ZNF138: variants seen among roughly 807,000 people sequenced by gnomAD.
The protein encoded by ZNF138 is zinc finger protein 138 (clone pHZ-32).
Under a neutral mutation model 33.0 loss-of-function variants are expected in ZNF138, and 33 were observed. The observed-to-expected ratio is 1.00, with a 90% CI of 0.76 to 1.34. ZNF138 has a LOEUF of 1.34. Ranked by LOEUF, ZNF138 falls within the 40% of genes most tolerant of loss-of-function variation. The pLI is 0.00. For missense variants in ZNF138, 360 were observed against 370.8 expected (o/e 0.97, Z 0.24); for synonymous variants, 139 against 120.4 (o/e 1.15, Z -1.01).
chr7:64,822,612 A>G (rs1429870087), intron 3 of ZNF138, among the ~76,000 whole-genome samples: 1 of 147,494 alleles, frequency 6.8e-6, no homozygotes, highest in Non-Finnish European at 1.5e-5. Flanking sequence ...AGAAGGGTTC[A>G]TTTCTGGGCT....
At chr7:64,835,087 G>A (rs187280813), downstream of ZNF138, among the ~76,000 whole-genome samples, 22 of 152,214 alleles carry the variant, frequency 1.4e-4, no homozygotes, top group East Asian at 3.9e-3. Flanking sequence ...GGGCGGGGTC[G>A]GTTGAGTTTC....
chr7:64,858,069 G>C, the ZNF138 span, among the ~76,000 whole-genome samples: 1 of 152,022 alleles, frequency 6.6e-6, no homozygotes, highest in African/African-American at 2.4e-5. Flanking sequence ...CCTAGCTTTT[G>C]GTCAAATATT....
At chr7:64,811,425 A>G (rs898961574) in intron 1 of ZNF138, among the ~76,000 whole-genome samples, 1 of 152,194 alleles carries the variant, frequency 6.6e-6, no homozygotes, top group African/African-American at 2.4e-5. Flanking sequence ...GACTTACTGC[A>G]ACCTCTTCCT....
chr7:64,798,740 T>C (rs1189852549), intron 1 of ZNF138, among the ~76,000 whole-genome samples: 2 of 148,216 alleles, frequency 1.3e-5, no homozygotes, highest in African/African-American at 5.0e-5. Flanking sequence ...ATTGAGCCAT[T>C]GCACTCCAGC....
chr7:64,846,702 GA>G, the ZNF138 span, among the ~76,000 whole-genome samples: 3 of 151,926 alleles, frequency 2.0e-5, no homozygotes, highest in East Asian at 5.8e-4. Flanking sequence ...ATATCATCAG[GA>G]AAAAAAATAC....
chr7:64,849,503 C>G, the ZNF138 span, among the ~76,000 whole-genome samples: 1 of 151,840 alleles, frequency 6.6e-6, no homozygotes, highest in Non-Finnish European at 1.5e-5. Context: ...CCTAGGACTC[C>G]CAAGAATATA....
chr7:64,802,221 C>T (rs1460542862), intron 1 of ZNF138, among the ~76,000 whole-genome samples: 1 of 152,102 alleles, frequency 6.6e-6, no homozygotes, highest in Non-Finnish European at 1.5e-5. Flanking sequence ...CTGAAGACCT[C>T]GGATCAATAG....
downstream of ZNF138, among the ~76,000 whole-genome samples, chr7:64,834,298 TAAAAAAAATCA>T (rs1790302055): frequency 6.6e-6 from 1 of 151,620 alleles, no homozygotes. Context: ...GCAGTAAATA[TAAAAAAAATCA>T]AAAATAAGGC....
chr7:64,839,579 C>T, the ZNF138 span, among the ~76,000 whole-genome samples: 1 of 151,912 alleles, frequency 6.6e-6, no homozygotes, highest in African/African-American at 2.4e-5. Context: ...GACTCTCGGC[C>T]AGGGAGGAAT....
At chr7:64,835,038 G>A (rs1248192914), downstream of ZNF138, among the ~76,000 whole-genome samples, 4 of 152,164 alleles carry the variant, frequency 2.6e-5, no homozygotes, top group South Asian at 2.1e-4. Context: ...AAGGTGCAGC[G>A]CGCTTTTATG....
At chr7:64,824,061 C>T (rs1328361936) in intron 3 of ZNF138, among the ~76,000 whole-genome samples, 1 of 152,128 alleles carries the variant, frequency 6.6e-6, no homozygotes, top group East Asian at 1.9e-4. Flanking sequence ...AACTGTTAAG[C>T]CTAGTTGGTC....
At chr7:64,829,177 A>G (rs953927858) in intron 3 of ZNF138, among the ~76,000 whole-genome samples, 2 of 152,118 alleles carry the variant, frequency 1.3e-5, no homozygotes, top group African/African-American at 4.8e-5. Flanking sequence ...TGTATCATTA[A>G]TGTTGTTAGG....
intron 1 of ZNF138, 91 bp downstream of exon 1, chr7:64,794,662 G>T (rs930990129): frequency 6.3e-6 from 10 of 1,578,740 alleles, no homozygotes; most frequent in Admixed American, 1.7e-5. Context: ...GGGTCTTCCC[G>T]CAGTCGGCTG....
In ZNF138 at chr7:64,814,926, G is replaced by A; in HGVS notation, c.12G>A (p.Leu4=). The A allele has an allele frequency of 1.2e-6, 2 of 1,612,890 alleles. No individual in the cohort carries two copies. Among genetic ancestry groups the A allele is most frequent in the South Asian group, 2.2e-5 (2 of 91,054 alleles). Residue 4 remains leucine (L), a synonymous_variant, in exon 2 of 4, where the codon CTG becomes CTA. Coordinates refer to ENST00000307355, the MANE Select transcript of ZNF138 (RefSeq NM_001271639.2). MGP[L]TFMDVAIEFS... ...GTGTGCGTGTTTTTCAGGGACCACT[G>A]ACATTTATGGATGTGGCCATAGAGT... is the stretch of plus-strand genomic sequence containing the variant.
the ZNF138 span, among the ~76,000 whole-genome samples, chr7:64,854,353 G>T: frequency 6.6e-6 from 1 of 152,132 alleles, no homozygotes; most frequent in Non-Finnish European, 1.5e-5. Flanking sequence ...TGATTGTCCT[G>T]CCTCAGCCTG....
At chr7:64,830,971 C>T in intron 3 of ZNF138, 1 of 1,551,422 alleles carries the variant, frequency 6.4e-7, no homozygotes, top group Non-Finnish European at 8.7e-7. Context: ...TCAGTGGACT[C>T]AACATTTTGT....
chr7:64,815,798 A>G, intron 3 of ZNF138, 145 bp downstream of exon 3: 1 of 678,592 alleles, frequency 1.5e-6, no homozygotes, highest in Non-Finnish European at 2.4e-6. Context: ...CTCTTACATA[A>G]GACATCTTCT....
the ZNF138 span, among the ~76,000 whole-genome samples, chr7:64,849,593 C>G: frequency 1.3e-5 from 2 of 151,920 alleles, no homozygotes; most frequent in Non-Finnish European, 2.9e-5. Context: ...TGAGCTTAGC[C>G]TCTGCTTGGG....
At chr7:64,798,956 A>G (rs987348079) in intron 1 of ZNF138, among the ~76,000 whole-genome samples, 1 of 141,870 alleles carries the variant, frequency 7.0e-6, no homozygotes, top group African/African-American at 2.6e-5. Flanking sequence ...TTACAGCCTT[A>G]TAGAATAGTT....
Sources: allele counts gnomAD v4.1 joint callset (sites outside exome capture counted in the v4.1 genomes callset), GRCh38; gene constraint gnomAD v4.1.1; transcripts MANE v1.5; gene names NCBI Gene and HGNC (gene_info 2026-07-23, HGNC 2026-07-21).